NBEA: variants seen among roughly 807,000 people sequenced by gnomAD.
NBEA encodes lysosomal-trafficking regulator 2.
In NBEA, 44 loss-of-function variants were observed where a neutral mutation model predicts 343.4. That is an observed-to-expected ratio of 0.13 (90% CI 0.10 to 0.16). NBEA has a LOEUF of 0.16. Ranked by LOEUF, NBEA falls within the 10% of genes least tolerant of loss-of-function variation. NBEA has a pLI of 1.00. For missense variants in NBEA, 2,555 were observed against 3,631.3 expected (o/e 0.70, Z 7.62); for synonymous variants, 1,175 against 1,238.7 (o/e 0.95, Z 1.08).
At chr13:35,222,725 T>C (rs1475898893) in intron 33 of NBEA, among the ~76,000 whole-genome samples, 1 of 152,190 alleles carries the variant, frequency 6.6e-6, no homozygotes, top group African/African-American at 2.4e-5. Flanking sequence ...TTTAATATTA[T>C]TACAAAGTTT....
intron 28 of NBEA, 138 bp downstream of exon 28, chr13:35,177,241 A>G: frequency 9.7e-6 from 6 of 615,468 alleles, no homozygotes; most frequent in Admixed American, 3.0e-5. Flanking sequence ...ACTTCTCATT[A>G]TAAAATGGTT....
chr13:35,184,274 T>C (rs1310191037), intron 30 of NBEA, among the ~76,000 whole-genome samples: 1 of 152,058 alleles, frequency 6.6e-6, no homozygotes, highest in Non-Finnish European at 1.5e-5. Context: ...TTAAGTATCA[T>C]CTATAAATTA....
At chr13:35,439,696 G>A (rs1024404982) in intron 39 of NBEA, among the ~76,000 whole-genome samples, 4 of 151,992 alleles carry the variant, frequency 2.6e-5, no homozygotes, top group African/African-American at 9.7e-5. Context: ...AAACCTGCAC[G>A]TTGTGCACAT....
At chr13:35,083,204 G>A (rs1210833858) in intron 10 of NBEA, among the ~76,000 whole-genome samples, 1 of 152,056 alleles carries the variant, frequency 6.6e-6, no homozygotes, top group Non-Finnish European at 1.5e-5. Flanking sequence ...TTTTTGTCAG[G>A]TTTGACAAAG....
intron 41 of NBEA, among the ~76,000 whole-genome samples, chr13:35,515,639 A>T (rs1363233254): frequency 6.6e-6 from 1 of 152,160 alleles, no homozygotes; most frequent in Non-Finnish European, 1.5e-5. Context: ...AAAATCCATT[A>T]TATTATTATT....
chr13:35,065,988 C>G (rs776216303), intron 8 of NBEA, among the ~76,000 whole-genome samples: 1 of 151,846 alleles, frequency 6.6e-6, no homozygotes, highest in East Asian at 1.9e-4. Context: ...GAAACAGGGT[C>G]TCTCCTTCTG....
intron 10 of NBEA, among the ~76,000 whole-genome samples, chr13:35,095,023 T>G (rs1476976806): frequency 2.6e-5 from 4 of 151,816 alleles, no homozygotes; most frequent in Non-Finnish European, 4.4e-5. Flanking sequence ...GGTACTTAGC[T>G]TTTTCAGTAA....
chr13:35,168,954 G>GTCTGTTGTCTGTTTTGTCTAA (rs1427649501), intron 24 of NBEA, 33 bp from the exon 25 acceptor site: 1 of 1,370,256 alleles, frequency 7.3e-7, no homozygotes, highest in Non-Finnish European at 9.5e-7. Flanking sequence ...GTACTTTTTG[G>GTCTGTTGTCTGTTTTGTCTAA]TCTGTTGTCT....
At chr13:35,068,021 A>T (rs2063718961) in intron 8 of NBEA, among the ~76,000 whole-genome samples, 2 of 152,144 alleles carry the variant, frequency 1.3e-5, no homozygotes. Flanking sequence ...TACAGGTGTA[A>T]GCATAGTACA....
chr13:35,322,729 C>T (rs748115328), intron 36 of NBEA, among the ~76,000 whole-genome samples: 6 of 152,076 alleles, frequency 3.9e-5, no homozygotes, highest in Non-Finnish European at 7.4e-5. Context: ...ATACATATAA[C>T]CTTAGACATT....
intron 40 of NBEA, among the ~76,000 whole-genome samples, chr13:35,465,545 A>T (rs1383507217): frequency 1.3e-5 from 2 of 152,194 alleles, no homozygotes; most frequent in Non-Finnish European, 2.9e-5. Flanking sequence ...ATTAAATGAT[A>T]TCCCAGTGCC....
chr13:35,570,636 A>G (rs931501273), intron 45 of NBEA, among the ~76,000 whole-genome samples: 1 of 152,212 alleles, frequency 6.6e-6, no homozygotes, highest in African/African-American at 2.4e-5. Flanking sequence ...CTAGCATGAT[A>G]GGAAAATGTT....
intron 36 of NBEA, among the ~76,000 whole-genome samples, chr13:35,339,788 A>C (rs2039478774): frequency 6.6e-6 from 1 of 151,982 alleles, no homozygotes; most frequent in South Asian, 2.1e-4. Context: ...AGTTCATGAG[A>C]TCTCACACTC....
At chr13:35,516,010 C>A (rs1411094255) in intron 41 of NBEA, among the ~76,000 whole-genome samples, 1 of 152,140 alleles carries the variant, frequency 6.6e-6, no homozygotes, top group Non-Finnish European at 1.5e-5. Flanking sequence ...CCTTTTGGGG[C>A]ATGAAATCCC....
At chr13:35,285,740 C>T (rs1259366313) in intron 34 of NBEA, among the ~76,000 whole-genome samples, 1 of 152,144 alleles carries the variant, frequency 6.6e-6, no homozygotes, top group African/African-American at 2.4e-5. Context: ...ATACTGCTGA[C>T]AGAAAGTGGT....
intron 37 of NBEA, among the ~76,000 whole-genome samples, chr13:35,349,459 C>T (rs1430200720): frequency 6.6e-6 from 1 of 152,004 alleles, no homozygotes; most frequent in Non-Finnish European, 1.5e-5. Flanking sequence ...TGAAGTTATT[C>T]TAACCTACTC....
chr13:35,275,278 T>C (rs1311578422), intron 34 of NBEA, among the ~76,000 whole-genome samples: 6 of 152,198 alleles, frequency 3.9e-5, no homozygotes, highest in African/African-American at 1.4e-4. Flanking sequence ...ATTTAATAAA[T>C]GGTGCTGGGA....
intron 41 of NBEA, among the ~76,000 whole-genome samples, chr13:35,544,111 G>A (rs886420813): frequency 6.6e-6 from 1 of 152,148 alleles, no homozygotes; most frequent in Non-Finnish European, 1.5e-5. Flanking sequence ...AAGTAATAGG[G>A]ATTTGTAACT....
intron 41 of NBEA, among the ~76,000 whole-genome samples, chr13:35,544,920 T>C (rs770598343): frequency 1.3e-5 from 2 of 152,212 alleles, no homozygotes; most frequent in African/African-American, 4.8e-5. Flanking sequence ...TTTCATTGTA[T>C]ATTAAATACT....
Sources: gnomAD v4.1 joint callset for allele counts (sites outside exome capture counted in the v4.1 genomes callset) on GRCh38, gnomAD v4.1.1 for gene constraint, MANE v1.5 for transcripts, NCBI Gene and HGNC (gene_info 2026-07-23, HGNC 2026-07-21) for gene names.